Variants in SOX5 observed in about 807,000 individuals in gnomAD.
The protein encoded by SOX5 is SRY-box transcription factor 5.
SOX5 carries 9 observed loss-of-function variants against 92.0 expected under a neutral mutation model. The ratio of observed to expected loss-of-function variants is 0.10; its 90% CI spans 0.06 to 0.17. The LOEUF is 0.17. SOX5 is among the 10% of genes least tolerant of loss of function. The probability of loss-of-function intolerance (pLI) is 1.00; values close to 1 mark genes in which losing one functional copy is unlikely to be tolerated. For missense variants in SOX5, 642 were observed against 944.5 expected (o/e 0.68, Z 4.20); for synonymous variants, 344 against 336.3 (o/e 1.02, Z -0.25).
intron 5 of SOX5, among the ~76,000 whole-genome samples, chr12:23,735,590 T>A (rs1177884080): frequency 6.6e-6 from 1 of 152,170 alleles, no homozygotes; most frequent in Admixed American, 6.5e-5. Flanking sequence ...CTTACTTCCA[T>A]ATGTAAGCCA....
At chr12:23,908,036 G>A (rs1336009651) in intron 1 of SOX5, among the ~76,000 whole-genome samples, 1 of 151,996 alleles carries the variant, frequency 6.6e-6, no homozygotes, top group Non-Finnish European at 1.5e-5. Flanking sequence ...TCACATTACT[G>A]GCTAAGTCTA....
intron 1 of SOX5, among the ~76,000 whole-genome samples, chr12:24,469,686 T>C (rs1944592867): frequency 6.6e-6 from 1 of 152,176 alleles, no homozygotes; most frequent in African/African-American, 2.4e-5. Context: ...AATGAAGAAA[T>C]CTGGTTTTAT....
At chr12:24,023,977 T>TA (rs1464054995) in intron 4 of SOX5, among the ~76,000 whole-genome samples, 1 of 152,072 alleles carries the variant, frequency 6.6e-6, no homozygotes, top group Non-Finnish European at 1.5e-5. Flanking sequence ...TTATCATATG[T>TA]AAAGTGGTAG....
intron 1 of SOX5, among the ~76,000 whole-genome samples, chr12:23,908,213 G>T (rs1486803665): frequency 6.6e-6 from 1 of 152,112 alleles, no homozygotes; most frequent in African/African-American, 2.4e-5. Flanking sequence ...AAAGGTCATT[G>T]TGAAATCAAG....
intron 4 of SOX5, among the ~76,000 whole-genome samples, chr12:23,991,749 G>T (rs1592134477): frequency 4.2e-5 from 6 of 144,358 alleles, no homozygotes; most frequent in South Asian, 2.2e-4. Flanking sequence ...AATACAGGAG[G>T]TTTTTTTTTT....
intron 1 of SOX5, among the ~76,000 whole-genome samples, chr12:24,383,760 G>T (rs1958071168): frequency 6.6e-6 from 1 of 152,182 alleles, no homozygotes; most frequent in Non-Finnish European, 1.5e-5. Flanking sequence ...CCAAGGACTG[G>T]TTGGGGGGTA....
At chr12:23,759,002 C>T (rs1420588275) in intron 3 of SOX5, among the ~76,000 whole-genome samples, 4 of 133,652 alleles carry the variant, frequency 3.0e-5, no homozygotes, top group African/African-American at 5.5e-5. Flanking sequence ...TCTGTTATGG[C>T]AACACAAAAC....
At chr12:24,046,178 G>A (rs1010723315) in intron 4 of SOX5, among the ~76,000 whole-genome samples, 3 of 152,298 alleles carry the variant, frequency 2.0e-5, no homozygotes, top group African/African-American at 7.2e-5. Flanking sequence ...CAAAGCCTGA[G>A]GGTAATAGAC....
At chr12:24,022,754 A>G (rs1053847461) in intron 4 of SOX5, among the ~76,000 whole-genome samples, 1 of 152,142 alleles carries the variant, frequency 6.6e-6, no homozygotes, top group African/African-American at 2.4e-5. Flanking sequence ...GAGGAGAGCC[A>G]TTCCTTAATT....
intron 6 of SOX5, among the ~76,000 whole-genome samples, chr12:23,687,341 A>G (rs1023276414): frequency 2.6e-5 from 4 of 152,086 alleles, no homozygotes; most frequent in African/African-American, 9.7e-5. Flanking sequence ...GCATGAAAGC[A>G]TATATATAAA....
At chr12:24,205,721 T>A (rs1957957219) in intron 4 of SOX5, among the ~76,000 whole-genome samples, 1 of 152,174 alleles carries the variant, frequency 6.6e-6, no homozygotes, top group African/African-American at 2.4e-5. Context: ...GCTTCAATGG[T>A]TTCCAAATAG....
intron 6 of SOX5, among the ~76,000 whole-genome samples, chr12:23,706,294 T>C (rs149780570): frequency 1.8e-3 from 270 of 152,234 alleles, no homozygotes; most frequent in African/African-American, 6.2e-3. Context: ...ATATTTAGTA[T>C]TTATACACAC....
At chr12:24,521,822 A>G (rs1005713193) in intron 1 of SOX5, among the ~76,000 whole-genome samples, 1 of 152,176 alleles carries the variant, frequency 6.6e-6, no homozygotes, top group African/African-American at 2.4e-5. Flanking sequence ...TAATAACAGA[A>G]AAGTCTGTGG....
At chr12:24,357,478 C>G (rs191608808) in intron 2 of SOX5, 7 of 152,284 alleles carry the variant, frequency 4.6e-5, no homozygotes, top group Non-Finnish European at 1.5e-5. Flanking sequence ...GAGGTTCCAA[C>G]GGAAGCACAG....
intron 4 of SOX5, among the ~76,000 whole-genome samples, chr12:24,185,988 A>G (rs1455590006): frequency 6.6e-6 from 1 of 152,172 alleles, no homozygotes; most frequent in Non-Finnish European, 1.5e-5. Flanking sequence ...TTATTATACT[A>G]TGCTCTCAAC....
In SOX5 at chr12:24,255,765, C is replaced by T. The variant is rs571140764; in HGVS notation, c.-77+21451G>A. Among the ~76,000 whole-genome samples, 8 of 152,280 alleles carry T rather than the reference C, an allele frequency of 5.3e-5. No homozygotes were observed. In the South Asian group the frequency reaches 1.0e-3, roughly 20 times the overall value. On this transcript the variant is annotated intron_variant, in intron 3 of 4. Coordinates refer to the SOX5 transcript ENST00000446891. ...AAATAAGATTTCTAAGTCCTTCTTT[C>T]CCGGAACATAAGTGGCAGAAATTCT... is the stretch of plus-strand genomic sequence containing the variant.
chr12:23,882,291 A>C (rs2097001986), intron 2 of SOX5, among the ~76,000 whole-genome samples: 1 of 152,114 alleles, frequency 6.6e-6, no homozygotes, highest in South Asian at 2.1e-4. Context: ...GAAGGACTGA[A>C]TCTTTCACAG....
At chr12:24,488,895 T>TA in intron 1 of SOX5, among the ~76,000 whole-genome samples, 1 of 152,292 alleles carries the variant, frequency 6.6e-6, no homozygotes, top group South Asian at 2.1e-4. Context: ...TTTAATACCT[T>TA]AGAGATTTCA....
chr12:24,304,360 C>A (rs1364129357), intron 2 of SOX5, among the ~76,000 whole-genome samples: 1 of 151,992 alleles, frequency 6.6e-6, no homozygotes, highest in Non-Finnish European at 1.5e-5. Context: ...TCAGAAAGGA[C>A]CATGAATGCA....
Sources: allele counts gnomAD v4.1 joint callset (sites outside exome capture counted in the v4.1 genomes callset), GRCh38; gene constraint gnomAD v4.1.1; transcripts MANE v1.5; gene names NCBI Gene and HGNC (gene_info 2026-07-23, HGNC 2026-07-21).